NUP205: variants seen among roughly 807,000 people sequenced by gnomAD.
The protein encoded by NUP205 is nucleoporin 205, also known as nuclear pore complex protein Nup205.
In NUP205, 76 loss-of-function variants were observed where a neutral mutation model predicts 253.8. The observed-to-expected ratio is 0.30, with a 90% confidence interval of 0.25 to 0.36. NUP205 has a LOEUF of 0.36. Among genes scored for constraint, NUP205 ranks in the 10% least tolerant of loss-of-function variants. The probability of loss-of-function intolerance (pLI) is 1.00; values close to 1 mark genes in which losing one functional copy is unlikely to be tolerated. For missense variants in NUP205, 2,162 were observed against 2,425.5 expected (o/e 0.89, Z 2.28); for synonymous variants, 832 against 850.1 (o/e 0.98, Z 0.37).
intron 1 of NUP205, among the ~76,000 whole-genome samples, chr7:135,568,539 G>T (rs959367564): frequency 2.0e-5 from 3 of 151,938 alleles, no homozygotes; most frequent in African/African-American, 7.2e-5. Context: ...TTACCATGTT[G>T]GCCAGGCTGG....
At chr7:135,558,579 G>A (rs909979946) in intron 1 of NUP205, among the ~76,000 whole-genome samples, 2 of 152,178 alleles carry the variant, frequency 1.3e-5, no homozygotes, top group African/African-American at 4.8e-5. Context: ...CTAGAAGGTA[G>A]TAAAGGAACT....
At position 135,601,380 on chromosome 7, in the gene NUP205, C is replaced by G. The variant is rs1342502559; in HGVS notation, c.2385C>G (p.Ile795Met). Residue 795 changes from isoleucine to methionine, a missense_variant, in exon 17 of 43, where the codon ATC (isoleucine) becomes ATG (methionine). By Grantham distance (10) the Ile-to-Met change is conservative. This residue lies in a region of NUP205 where 892 missense variants were observed against 957.1 expected (regional missense o/e 0.93). Transcript: ENST00000285968. Reference sequence around the variant, plus strand: ...TTATGTTCTATTTAGGAGAAGAAATCATAGCCTATAAGCCACCTGGATTTA... The same window carrying G: ...TTATGTTCTATTTAGGAGAAGAAATGATAGCCTATAAGCCACCTGGATTTA... ...DQFVELQGEE[I>M]IAYKPPGFSL... 7 of 1,612,356 alleles carry G rather than the reference C, an allele frequency of 4.3e-6. No homozygotes were observed. The highest frequency in any genetic ancestry group is 5.9e-6 in the Non-Finnish European group (7 of 1,179,136).
intron 38 of NUP205, 149 bp from the exon 39 acceptor site, chr7:135,643,043 A>G (rs1351180078): frequency 9.5e-6 from 6 of 630,622 alleles, no homozygotes; most frequent in South Asian, 2.4e-5. Context: ...TAAATTATAA[A>G]TGGCATTTAA....
intron 22 of NUP205, among the ~76,000 whole-genome samples, chr7:135,611,050 G>A (rs1190263924): frequency 7.0e-6 from 1 of 142,688 alleles, no homozygotes; most frequent in African/African-American, 2.7e-5. Context: ...CTGTCGCCTT[G>A]CCTGGAGTGC....
At chr7:135,577,216 T>C in intron 5 of NUP205, 88 bp downstream of exon 5, 2 of 1,315,024 alleles carry the variant, frequency 1.5e-6, no homozygotes, top group Non-Finnish European at 2.1e-6. Context: ...TTTTTCAAGA[T>C]GAATTATGTA....
intron 33 of NUP205, among the ~76,000 whole-genome samples, chr7:135,627,545 G>A (rs1274341294): frequency 6.6e-6 from 1 of 152,142 alleles, no homozygotes; most frequent in African/African-American, 2.4e-5. Context: ...CAAGCATTTT[G>A]GGTAAGTGGT....
intron 1 of NUP205, among the ~76,000 whole-genome samples, chr7:135,560,532 T>C (rs1051919504): frequency 3.3e-5 from 5 of 152,234 alleles, no homozygotes; most frequent in Non-Finnish European, 5.9e-5. Context: ...AAGGAATGAA[T>C]GTTGGGTTGA....
chr7:135,590,822 C>T (rs977461984), intron 10 of NUP205, among the ~76,000 whole-genome samples: 4 of 152,116 alleles, frequency 2.6e-5, no homozygotes, highest in African/African-American at 7.2e-5. Flanking sequence ...TGAACCACTG[C>T]GCCCAGCCAA....
At chr7:135,599,217 T>C (rs1251286980) in intron 15 of NUP205, among the ~76,000 whole-genome samples, 1 of 152,236 alleles carries the variant, frequency 6.6e-6, no homozygotes, top group African/African-American at 2.4e-5. Context: ...ATTTTTTTCA[T>C]GTCCTAAGAT....
intron 16 of NUP205, among the ~76,000 whole-genome samples, 198 bp downstream of exon 16, chr7:135,601,167 C>T (rs1374383652): frequency 6.6e-6 from 1 of 152,050 alleles, no homozygotes; most frequent in African/African-American, 2.4e-5. Context: ...ATTACAATTT[C>T]TCTAATGAGT....
chr7:135,621,295 A>G (rs1480003300), intron 30 of NUP205, among the ~76,000 whole-genome samples: 1 of 152,256 alleles, frequency 6.6e-6, no homozygotes, highest in Non-Finnish European at 1.5e-5. Flanking sequence ...AATAGTTTAG[A>G]GAAGTTTTTT....
Position 135,638,113 on chromosome 7 carries a change from A to G in NUP205, c.5265+54A>G, listed in dbSNP as rs751131298. ...TTTATGTTTTTGGAAAATGTTGATAAAAATAACAGATGTGGACCTGGTGCG... is the reference window on the plus strand; with the variant it reads ...TTTATGTTTTTGGAAAATGTTGATAGAAATAACAGATGTGGACCTGGTGCG... On this transcript the variant is annotated intron_variant, in intron 37 of 42. Transcript: ENST00000285968. The G allele has an allele frequency of 1.3e-4, 200 of 1,578,918 alleles. No homozygotes were observed. The Middle Eastern group carries it at 1.4e-3, about 11-fold the overall frequency.
intron 1 of NUP205, among the ~76,000 whole-genome samples, chr7:135,565,255 C>G (rs890192649): frequency 6.6e-6 from 1 of 152,126 alleles, no homozygotes; most frequent in Non-Finnish European, 1.5e-5. Context: ...TTTGTCAGCA[C>G]TTTATCAGAT....
intron 1 of NUP205, among the ~76,000 whole-genome samples, chr7:135,562,823 C>T (rs1805627104): frequency 6.6e-6 from 1 of 152,106 alleles, no homozygotes; most frequent in Non-Finnish European, 1.5e-5. Flanking sequence ...GGATTACAGG[C>T]CTGAGCCACC....
intron 3 of NUP205, among the ~76,000 whole-genome samples, chr7:135,574,884 T>A (rs576946142): frequency 1.3e-5 from 2 of 152,326 alleles, no homozygotes; most frequent in South Asian, 4.1e-4. Context: ...AAGTTTAATA[T>A]GTCTAAAGAT....
intron 35 of NUP205, among the ~76,000 whole-genome samples, chr7:135,634,954 A>G (rs1794780649): frequency 6.6e-6 from 1 of 152,166 alleles, no homozygotes; most frequent in Non-Finnish European, 1.5e-5. Flanking sequence ...TTGAGTGGCT[A>G]GGATAGGTTT....
intron 34 of NUP205, among the ~76,000 whole-genome samples, 184 bp downstream of exon 34, chr7:135,628,295 T>TTTTATAC (rs1794636750): frequency 1.3e-5 from 2 of 152,110 alleles, no homozygotes; most frequent in African/African-American, 4.8e-5. Context: ...TTTTATACTG[T>TTTTATAC]TGTTTGAATG....
At chr7:135,640,923 G>A (rs1031929131) in intron 38 of NUP205, among the ~76,000 whole-genome samples, 4 of 152,016 alleles carry the variant, frequency 2.6e-5, no homozygotes, top group East Asian at 1.9e-4. Context: ...ATTTGGAGCC[G>A]GGCATGATGG....
Position 135,606,907 on chromosome 7 carries a change from A to G in NUP205, c.3062A>G (p.Gln1021Arg). The G allele has an allele frequency of 6.2e-7, 1 of 1,613,862 alleles. No homozygotes were observed. The highest frequency in any genetic ancestry group is 8.5e-7 in the Non-Finnish European group (1 of 1,179,844). ...AAACCTGTCAGTACTACAAACCTAC[A>G]AGATCCAGGTATAGCCTAAGACATA... The part of the protein sequence containing the change: ...LKKPVSTTNL[Q>R]DPGVLGCPRT... The change falls in exon 21 of 43, where the codon CAA becomes CGA. Residue 1021 changes from glutamine to arginine, a missense_variant. Transcript: ENST00000285968.
Sources: gnomAD v4.1 joint callset for allele counts (sites outside exome capture counted in the v4.1 genomes callset) on GRCh38, gnomAD v4.1.1 for gene constraint, gnomAD v4.1.1 regional missense constraint, MANE v1.5 for transcripts, NCBI Gene and HGNC (gene_info 2026-07-23, HGNC 2026-07-21) for gene names.